The following ERC1 variants were observed in gnomAD, a reference collection of about 807,000 sequenced individuals.
The protein encoded by ERC1 is ELKS/RAB6-interacting/CAST family member 1, also known as RAB6 interacting protein 2.
In ERC1, 56 loss-of-function variants were observed where a neutral mutation model predicts 132.0. The observed-to-expected ratio is 0.42, with a 90% CI of 0.34 to 0.53. The LOEUF is 0.53. Among genes scored for constraint, ERC1 ranks in the 20% least tolerant of loss-of-function variants. The pLI is 0.03. For missense variants in ERC1, 1,202 were observed against 1,349.9 expected, an observed-to-expected ratio of 0.89 and a Z score of 1.72; for synonymous variants, 478 against 476.1, an observed-to-expected ratio of 1.00 and a Z score of -0.05.
intron 15 of ERC1, among the ~76,000 whole-genome samples, chr12:1,292,092 ATT>A (rs1340361374): frequency 6.6e-6 from 1 of 152,248 alleles, no homozygotes; most frequent in African/African-American, 2.4e-5. Flanking sequence ...ACTGTTAAGA[ATT>A]CTAGATGAAC....
intron 14 of ERC1, among the ~76,000 whole-genome samples, chr12:1,278,883 G>T (rs922920351): frequency 2.0e-5 from 3 of 152,032 alleles, no homozygotes; most frequent in Non-Finnish European, 4.4e-5. Flanking sequence ...TTAGAATACG[G>T]ATAGCCCTAA....
intron 15 of ERC1, among the ~76,000 whole-genome samples, chr12:1,362,577 G>A (rs2086241986): frequency 6.6e-6 from 1 of 152,164 alleles, no homozygotes; most frequent in Admixed American, 6.5e-5. Flanking sequence ...AAAATACATT[G>A]TGCTTGAATC....
intron 17 of ERC1, among the ~76,000 whole-genome samples, chr12:1,424,792 A>G (rs1344498167): frequency 8.6e-6 from 1 of 116,260 alleles, no homozygotes; most frequent in East Asian, 2.5e-4. Context: ...AGAGCTTGAG[A>G]TGATAGATAG....
chr12:1,482,476 C>G (rs905101004), intron 18 of ERC1, among the ~76,000 whole-genome samples: 13 of 152,042 alleles, frequency 8.6e-5, no homozygotes, highest in African/African-American at 3.1e-4. Context: ...GATGGAGTTT[C>G]GCTCTTGTCT....
intron 15 of ERC1, among the ~76,000 whole-genome samples, chr12:1,316,580 G>A (rs2081745714): frequency 6.6e-6 from 1 of 152,140 alleles, no homozygotes; most frequent in East Asian, 1.9e-4. Flanking sequence ...CAAAATTGCT[G>A]TTGTTAATGC....
intron 7 of ERC1, among the ~76,000 whole-genome samples, chr12:1,118,497 T>C (rs1024206631): frequency 1.9e-4 from 29 of 152,180 alleles, no homozygotes; most frequent in African/African-American, 6.8e-4. Flanking sequence ...AGTAGCTGAG[T>C]CTCAGTGATT....
chr12:1,034,188 A>G (rs976231358), intron 2 of ERC1, among the ~76,000 whole-genome samples: 5 of 152,160 alleles, frequency 3.3e-5, no homozygotes, highest in South Asian at 2.1e-4. Context: ...ATAGTGTATC[A>G]TATTTGAATA....
At chr12:1,008,492 G>A (rs1189355663) in intron 1 of ERC1, among the ~76,000 whole-genome samples, 2 of 151,792 alleles carry the variant, frequency 1.3e-5, no homozygotes, top group African/African-American at 4.8e-5. Flanking sequence ...GCCCAGGCTG[G>A]TCTCGAACTC....
chr12:1,368,963 G>T (rs2086917342), intron 15 of ERC1, among the ~76,000 whole-genome samples: 1 of 152,120 alleles, frequency 6.6e-6, no homozygotes, highest in South Asian at 2.1e-4. Context: ...AGAAAGACAT[G>T]ATGATCTGTT....
chr12:1,379,439 C>T (rs1017740334), intron 16 of ERC1, among the ~76,000 whole-genome samples: 5 of 152,198 alleles, frequency 3.3e-5, no homozygotes, highest in Non-Finnish European at 7.3e-5. Context: ...TTGAGGTTTG[C>T]ACTAGTCTCT....
chr12:1,035,129 T>G (rs1004667174), intron 2 of ERC1, among the ~76,000 whole-genome samples: 10 of 152,178 alleles, frequency 6.6e-5, no homozygotes, highest in Non-Finnish European at 1.5e-4. Flanking sequence ...ATTAATAGAT[T>G]ATAGTCAGCC....
chr12:1,456,975 A>G (rs1017654944), intron 18 of ERC1, among the ~76,000 whole-genome samples: 4 of 152,248 alleles, frequency 2.6e-5, no homozygotes, highest in East Asian at 3.8e-4. Flanking sequence ...CTACATAACA[A>G]TATTTCAGTC....
rs564988376 is a variant in ERC1, at chr12:1,400,277, A to G, written c.2926-7872A>G. On this transcript the variant is annotated intron_variant, in intron 16 of 18. Transcript: ENST00000360905. ...TCCCTTGCTCATTTTTAATTGGGGT[A>G]TTTGTATTTTTATTATTGAGTTGTA... 1.2e-4 allele frequency among the ~76,000 whole-genome samples: 18 copies of G among 152,168 alleles called. 1 individual carries two copies. The highest frequency in any genetic ancestry group is 4.3e-4 in the African/African-American group (18 of 41,530).
At chr12:1,073,427 G>A (rs936957460) in intron 2 of ERC1, among the ~76,000 whole-genome samples, 1 of 152,062 alleles carries the variant, frequency 6.6e-6, no homozygotes, top group South Asian at 2.1e-4. Flanking sequence ...CAAGGTGGGC[G>A]GATAACCTGA....
At chr12:1,321,380 T>C (rs2082107605) in intron 15 of ERC1, among the ~76,000 whole-genome samples, 1 of 152,198 alleles carries the variant, frequency 6.6e-6, no homozygotes. Flanking sequence ...GTGGCACAGA[T>C]ATTTCTTGTA....
At chr12:1,322,610 T>C (rs1217511441) in intron 15 of ERC1, among the ~76,000 whole-genome samples, 1 of 152,208 alleles carries the variant, frequency 6.6e-6, no homozygotes, top group African/African-American at 2.4e-5. Context: ...AGTTCTAGTC[T>C]AAACATCTTT....
At chr12:1,134,697 TA>T (rs1949086854) in intron 7 of ERC1, among the ~76,000 whole-genome samples, 1 of 150,692 alleles carries the variant, frequency 6.6e-6, no homozygotes, top group African/African-American at 2.4e-5. Flanking sequence ...CTCACATAAA[TA>T]AAAACTCAAT....
chr12:1,199,334 C>T (rs1363951202), intron 12 of ERC1, among the ~76,000 whole-genome samples: 3 of 152,262 alleles, frequency 2.0e-5, no homozygotes, highest in Non-Finnish European at 4.4e-5. Flanking sequence ...AACCATGTCA[C>T]TCATCTGGAA....
chr12:1,243,135 T>C lies in ERC1; in HGVS notation c.2487+6231T>C, dbSNP rs868495347. Among the ~76,000 whole-genome samples, 513 of 135,710 alleles carry C rather than the reference T, an allele frequency of 3.8e-3. 6 individuals are homozygous for C. Among genetic ancestry groups the C allele is most frequent in the African/African-American group, 0.013 (475 of 37,030 alleles). The allele number at this position is 135,710 out of a possible 152,430, so 89.0% of individuals were successfully genotyped here. A position where few individuals can be genotyped will look rare whatever the true frequency, so the allele number is the denominator to read the frequency against. ...CCGGGAAGCGGAGCTTGCAGTGAGC[T>C]GAGATTGCGCCACTGCAGTCCGCAG... On this transcript the variant is annotated intron_variant, in intron 13 of 18. Coordinates refer to ENST00000360905, the MANE Select transcript of ERC1 (RefSeq NM_178040.4).
Sources: gnomAD v4.1 joint callset for allele counts (sites outside exome capture counted in the v4.1 genomes callset) on GRCh38, gnomAD v4.1.1 for gene constraint, MANE v1.5 for transcripts, NCBI Gene and HGNC (gene_info 2026-07-23, HGNC 2026-07-21) for gene names.